The following LMF1 variants were observed in gnomAD, a reference collection of about 807,000 sequenced individuals.
The protein encoded by LMF1 is lipase maturation factor 1, also known as transmembrane protein 112.
In LMF1, 68 loss-of-function variants were observed where a neutral mutation model predicts 60.6. That is an observed-to-expected ratio of 1.12 (90% CI 0.92 to 1.37). The LOEUF (loss-of-function observed/expected upper bound fraction) is 1.37, where lower values mean the gene tolerates loss of function less well. Among genes scored for constraint, LMF1 ranks in the 40% most tolerant of loss-of-function variants. LMF1 has a pLI of 0.00. For synonymous variants in LMF1, 418 were observed against 324.7 expected (o/e 1.29, Z -3.09); for missense variants, 948 against 767.2 (o/e 1.24, Z -2.78).
At chr16:907,095 C>G (rs2151750176) in intron 4 of LMF1, among the ~76,000 whole-genome samples, 1 of 152,212 alleles carries the variant, frequency 6.6e-6, no homozygotes, top group Admixed American at 6.5e-5. Context: ...ACATTTTCTC[C>G]CAGCATATAG....
intron 1 of LMF1, among the ~76,000 whole-genome samples, chr16:956,819 GGAC>G: frequency 7.0e-6 from 1 of 141,922 alleles, no homozygotes; most frequent in African/African-American, 2.7e-5. Flanking sequence ...ACTCCAGCCT[GGAC>G]GACAAGAGCA....
chr16:952,397 G>A (rs2072497495), intron 2 of LMF1, among the ~76,000 whole-genome samples: 1 of 152,042 alleles, frequency 6.6e-6, no homozygotes, highest in Non-Finnish European at 1.5e-5. Flanking sequence ...CCAGATCAGA[G>A]CAATCTGAGC....
At chr16:867,961 G>C (rs2069660238) in intron 10 of LMF1, among the ~76,000 whole-genome samples, 1 of 152,158 alleles carries the variant, frequency 6.6e-6, no homozygotes, top group Admixed American at 6.5e-5. Context: ...CAACTCCAGA[G>C]GGTGCAGCTG....
intron 4 of LMF1, among the ~76,000 whole-genome samples, chr16:908,849 C>T (rs548912887): frequency 8.5e-5 from 13 of 152,354 alleles, no homozygotes; most frequent in East Asian, 7.7e-4. Flanking sequence ...AGTGACATTG[C>T]GGACGGGTGC....
chr16:947,243 C>T (rs1210735303), intron 2 of LMF1, among the ~76,000 whole-genome samples: 1 of 152,234 alleles, frequency 6.6e-6, no homozygotes, highest in Non-Finnish European at 1.5e-5. Flanking sequence ...GTCACTTTTA[C>T]CATCAAATAT....
rs769789622 is a variant in LMF1 at position 970,967 on chromosome 16, C to T, written c.14G>A (p.Ser5Asn). 8 of 1,525,506 alleles carry T rather than the reference C, an allele frequency of 5.2e-6. No individual in the cohort carries two copies. In the Admixed American group the frequency reaches 1.3e-4, roughly 25 times the overall value. The allele number at this position is 1,525,506 out of a possible 1,614,324, so 94.5% of individuals were successfully genotyped here. Residue 5 changes from serine (S) to asparagine (N), a missense_variant, in exon 1 of 11, where the codon AGC becomes AAC. Coordinates refer to ENST00000262301, the MANE Select transcript of LMF1 (RefSeq NM_022773.4). ...CTCCGCGGGCGCCGCCATTGTTGGG[C>T]TGTCAGGGCGCATGTGCGGGGAGGG... MRPDSPTMAAPAESL... is the reference protein window; with the variant it reads MRPDNPTMAAPAESL...
chr16:948,743 C>A (rs1443773518), intron 2 of LMF1, among the ~76,000 whole-genome samples: 6 of 138,526 alleles, frequency 4.3e-5, no homozygotes, highest in Non-Finnish European at 9.2e-5. Context: ...GAGTCAGAGA[C>A]GACAGAGTCA....
chr16:968,508 G>A (rs940982304), intron 1 of LMF1: 1 of 152,232 alleles, frequency 6.6e-6, no homozygotes, highest in Non-Finnish European at 1.5e-5. Context: ...ACAGGGAGTA[G>A]CGCACAGTCC....
intron 9 of LMF1, chr16:869,484 G>A (rs1217546572): frequency 5.5e-6 from 3 of 547,598 alleles, no homozygotes; most frequent in East Asian, 4.5e-5. Context: ...CAGACTGGAA[G>A]GCAACGCTGC....
intron 3 of LMF1, among the ~76,000 whole-genome samples, chr16:918,871 G>A (rs1375541843): frequency 1.3e-5 from 2 of 148,894 alleles, no homozygotes; most frequent in Non-Finnish European, 3.0e-5. Context: ...CGTGGGGCCA[G>A]TGCCCTGGGG....
At chr16:972,661 G>A (rs192026782), upstream of LMF1, among the ~76,000 whole-genome samples, 492 of 152,362 alleles carry the variant, frequency 3.2e-3, 11 homozygotes, top group Admixed American at 0.029. Context: ...GCTGTCCTCA[G>A]GTGGGGCTGC....
intron 3 of LMF1, among the ~76,000 whole-genome samples, chr16:920,796 C>T (rs1166250256): frequency 1.3e-5 from 2 of 152,242 alleles, no homozygotes; most frequent in Non-Finnish European, 2.9e-5. Flanking sequence ...ACACGTTACA[C>T]TGGAACGTCA....
At chr16:981,445 G>C (rs1457395527), upstream of LMF1, 2 of 293,760 alleles carry the variant, frequency 6.8e-6, no homozygotes, top group African/African-American at 4.6e-5. Flanking sequence ...ACGGGGGGCG[G>C]ACTCTCAGGA....
chr16:940,332 G>C (rs543366642), intron 2 of LMF1, among the ~76,000 whole-genome samples: 1 of 152,220 alleles, frequency 6.6e-6, no homozygotes, highest in African/African-American at 2.4e-5. Context: ...CTCTCACAGG[G>C]CCATGGGAAC....
At chr16:887,894 C>A (rs982142359) in intron 5 of LMF1, among the ~76,000 whole-genome samples, 1 of 152,206 alleles carries the variant, frequency 6.6e-6, no homozygotes, top group Non-Finnish European at 1.5e-5. Context: ...TTGCAGGCTG[C>A]CGGCCACAGG....
At chr16:923,142 G>A (rs113491645) in intron 3 of LMF1, among the ~76,000 whole-genome samples, 23 of 135,434 alleles carry the variant, frequency 1.7e-4, no homozygotes, top group South Asian at 4.7e-4. Context: ...TGTTGGCGTC[G>A]TGTTGTTGCA....
intron 2 of LMF1, among the ~76,000 whole-genome samples, chr16:950,608 G>C (rs1194761973): frequency 2.8e-5 from 4 of 141,962 alleles, no homozygotes; most frequent in African/African-American, 1.1e-4. Flanking sequence ...CAGAGACAAC[G>C]ACAGAGTTAG....
intron 4 of LMF1, among the ~76,000 whole-genome samples, chr16:894,806 G>C (rs556580988): frequency 6.6e-6 from 1 of 152,326 alleles, no homozygotes; most frequent in South Asian, 2.1e-4. Context: ...GCTCCCCTCC[G>C]TGGGCGTGCT....
chr16:970,654 G>C (rs1461201829), intron 1 of LMF1, 134 bp downstream of exon 1: 5 of 800,232 alleles, frequency 6.2e-6, no homozygotes, highest in Middle Eastern at 3.5e-4. Context: ...CGCCTTGCCC[G>C]GGCCCCAGCA....
Sources: allele counts gnomAD v4.1 joint callset (sites outside exome capture counted in the v4.1 genomes callset), GRCh38; gene constraint gnomAD v4.1.1; transcripts MANE v1.5; gene names NCBI Gene and HGNC (gene_info 2026-07-23, HGNC 2026-07-21).